MYO1D: variants seen among roughly 807,000 people sequenced by gnomAD.
The protein encoded by MYO1D is myosin ID.
MYO1D carries 83 observed loss-of-function variants against 122.0 expected under a neutral mutation model. The ratio of observed to expected loss-of-function variants is 0.68; its 90% CI spans 0.57 to 0.82. The LOEUF (loss-of-function observed/expected upper bound fraction) is 0.82, where lower values mean the gene tolerates loss of function less well. Among genes scored for constraint, MYO1D ranks in the 40% least tolerant of loss-of-function variants. The probability of loss-of-function intolerance (pLI) is 0.00; values close to 1 mark genes in which losing one functional copy is unlikely to be tolerated. For missense variants in MYO1D, 1,157 were observed against 1,269.5 expected (o/e 0.91, Z 1.35); for synonymous variants, 464 against 446.9 (o/e 1.04, Z -0.48).
chr17:32,553,851 C>T (rs1302286799), intron 21 of MYO1D, among the ~76,000 whole-genome samples: 2 of 152,196 alleles, frequency 1.3e-5, no homozygotes, highest in African/African-American at 4.8e-5. Flanking sequence ...TCCACACTCC[C>T]CAGTACAGAC....
intron 1 of MYO1D, among the ~76,000 whole-genome samples, chr17:32,850,523 T>C (rs932448392): frequency 6.6e-6 from 1 of 152,204 alleles, no homozygotes; most frequent in Non-Finnish European, 1.5e-5. Flanking sequence ...GTCTGAGCAG[T>C]ATAAAAACTA....
At chr17:32,604,988 T>C in intron 21 of MYO1D, 99 bp downstream of exon 21, 2 of 1,169,370 alleles carry the variant, frequency 1.7e-6, no homozygotes, top group Non-Finnish European at 2.4e-6. Context: ...GAAAAATAGC[T>C]CAATACATTA....
At chr17:32,634,058 T>A (rs1849927010) in intron 20 of MYO1D, among the ~76,000 whole-genome samples, 1 of 152,238 alleles carries the variant, frequency 6.6e-6, no homozygotes, top group African/African-American at 2.4e-5. Flanking sequence ...GGCTGGCATA[T>A]AATGAACACT....
intron 16 of MYO1D, among the ~76,000 whole-genome samples, chr17:32,661,570 G>A (rs1402708990): frequency 6.6e-6 from 1 of 151,970 alleles, no homozygotes; most frequent in African/African-American, 2.4e-5. Flanking sequence ...TGGGAGGATT[G>A]CCTGAGTTCA....
chr17:32,682,673 C>T (rs1288287904), intron 16 of MYO1D, among the ~76,000 whole-genome samples: 1 of 100,508 alleles, frequency 9.9e-6, no homozygotes, highest in African/African-American at 5.0e-5. Flanking sequence ...TTCTCTCTGG[C>T]TGCCCTTAAC....
intron 16 of MYO1D, among the ~76,000 whole-genome samples, chr17:32,659,827 C>T (rs915456255): frequency 2.6e-5 from 4 of 152,102 alleles, no homozygotes; most frequent in African/African-American, 7.2e-5. Flanking sequence ...TCCTCTCCCG[C>T]GGCACTATGT....
chr17:32,549,371 C>T (rs1022335193), intron 21 of MYO1D, among the ~76,000 whole-genome samples: 2 of 152,156 alleles, frequency 1.3e-5, no homozygotes, highest in South Asian at 2.1e-4. Flanking sequence ...GCTGGGATTA[C>T]AGGTGTGAGC....
rs928571283 is a variant in MYO1D, at chr17:32,522,147, C to T, written c.2865-27232G>A. 6.7e-5 allele frequency among the ~76,000 whole-genome samples: 10 copies of T among 148,660 alleles called. 1 individual carries two copies. The highest frequency in any genetic ancestry group is 6.0e-4 in the Admixed American group (9 of 14,904). ...TCTGAAATATTCCAAATATTCAGGT[C>T]GAATAAAATTTACATATCCTCTAGG... On this transcript the variant is annotated intron_variant, in intron 21 of 21. Coordinates refer to ENST00000318217, the MANE Select transcript of MYO1D (RefSeq NM_015194.3).
At chr17:32,698,400 T>A (rs1453645708) in intron 16 of MYO1D, among the ~76,000 whole-genome samples, 1 of 147,558 alleles carries the variant, frequency 6.8e-6, no homozygotes, top group African/African-American at 2.5e-5. Context: ...TTTTCTTTTT[T>A]AAGGACAAAA....
At chr17:32,616,552 T>A (rs1230070183) in intron 20 of MYO1D, among the ~76,000 whole-genome samples, 1 of 150,768 alleles carries the variant, frequency 6.6e-6, no homozygotes, top group African/African-American at 2.4e-5. Flanking sequence ...ATTCCAGGCC[T>A]CAAGTGGTCC....
chr17:32,557,212 G>A (rs909091716), intron 21 of MYO1D, among the ~76,000 whole-genome samples: 5 of 151,436 alleles, frequency 3.3e-5, no homozygotes, highest in Non-Finnish European at 5.9e-5. Flanking sequence ...TCTGCCTTCC[G>A]GTTTCAAGCT....
chr17:32,807,187 A>T (rs28641493), intron 1 of MYO1D, among the ~76,000 whole-genome samples: 5,465 of 152,288 alleles, frequency 0.036, 318 homozygotes, highest in African/African-American at 0.12. Flanking sequence ...TTTAATATGT[A>T]TGAATAAAAG....
chr17:32,683,752 C>T (rs1188056182), intron 16 of MYO1D, among the ~76,000 whole-genome samples: 26 of 152,100 alleles, frequency 1.7e-4, no homozygotes, highest in South Asian at 2.1e-4. Flanking sequence ...GGCAGGCAGG[C>T]CTCCTTGAAC....
At chr17:32,657,418 T>C (rs977717979) in intron 17 of MYO1D, among the ~76,000 whole-genome samples, 6 of 152,194 alleles carry the variant, frequency 3.9e-5, no homozygotes, top group African/African-American at 1.4e-4. Flanking sequence ...TTTTACATGT[T>C]TACCAAAACC....
intron 14 of MYO1D, among the ~76,000 whole-genome samples, chr17:32,731,654 G>A (rs2089640473): frequency 6.6e-6 from 1 of 152,238 alleles, no homozygotes; most frequent in Non-Finnish European, 1.5e-5. Flanking sequence ...TGGGGGAGGT[G>A]CATCTGGGGT....
intron 16 of MYO1D, among the ~76,000 whole-genome samples, chr17:32,668,811 C>G (rs1224272463): frequency 1.3e-5 from 2 of 151,814 alleles, no homozygotes; most frequent in Admixed American, 6.6e-5. Context: ...ATGCCATTCT[C>G]TTGCCTCAGC....
intron 1 of MYO1D, among the ~76,000 whole-genome samples, chr17:32,806,311 GTGTTA>G (rs1158971493): frequency 4.6e-5 from 7 of 152,172 alleles, no homozygotes; most frequent in East Asian, 3.9e-4. Flanking sequence ...CATACCTAAG[GTGTTA>G]TGTTGTTTGT....
At chr17:32,647,680 C>T (rs1431683801) in intron 19 of MYO1D, among the ~76,000 whole-genome samples, 1 of 127,286 alleles carries the variant, frequency 7.9e-6, no homozygotes, top group Non-Finnish European at 1.6e-5. Context: ...GACATTATAG[C>T]TTATACATTT....
At chr17:32,511,734 A>C (rs1305997002) in intron 21 of MYO1D, among the ~76,000 whole-genome samples, 1 of 152,068 alleles carries the variant, frequency 6.6e-6, no homozygotes, top group African/African-American at 2.4e-5. Flanking sequence ...TTCTATTCAC[A>C]TCATTAATGA....
Sources: allele counts gnomAD v4.1 joint callset (sites outside exome capture counted in the v4.1 genomes callset), GRCh38; gene constraint gnomAD v4.1.1; transcripts MANE v1.5; gene names NCBI Gene and HGNC (gene_info 2026-07-23, HGNC 2026-07-21).